RSPO2: variants seen among roughly 807,000 people sequenced by gnomAD.
RSPO2 encodes the protein R-spondin 2.
In RSPO2, 14 loss-of-function variants were observed where a neutral mutation model predicts 30.9. The observed-to-expected ratio is 0.45, with a 90% confidence interval of 0.30 to 0.71. The LOEUF is 0.71. Ranked by LOEUF, RSPO2 falls within the 30% of genes least tolerant of loss-of-function variation. RSPO2 has a pLI of 0.08. For missense variants in RSPO2, 264 were observed against 301.9 expected, an observed-to-expected ratio of 0.87 and a Z score of 0.93; for synonymous variants, 107 against 96.4, an observed-to-expected ratio of 1.11 and a Z score of -0.64.
At chr8:107,923,938 C>T (rs1273291905) in intron 5 of RSPO2, among the ~76,000 whole-genome samples, 4 of 151,896 alleles carry the variant, frequency 2.6e-5, no homozygotes, top group East Asian at 3.9e-4. Context: ...TGGGGCCTAT[C>T]GGGGGTTGAG....
At chr8:108,059,680 A>AT (rs1812384285) in intron 2 of RSPO2, among the ~76,000 whole-genome samples, 2 of 145,572 alleles carry the variant, frequency 1.4e-5, no homozygotes, top group East Asian at 2.0e-4. Flanking sequence ...CCATAAAAAA[A>AT]GATGAGTTCA....
intron 5 of RSPO2, among the ~76,000 whole-genome samples, chr8:107,908,548 AAG>A (rs564594637): frequency 2.0e-5 from 3 of 152,336 alleles, no homozygotes; most frequent in African/African-American, 4.8e-5. Flanking sequence ...CTTTTACAGT[AAG>A]AGTACTGGTT....
At chr8:108,056,623 C>CAAAAAAAAAAAA (rs56256415) in intron 2 of RSPO2, among the ~76,000 whole-genome samples, 17 of 71,806 alleles carry the variant, frequency 2.4e-4, no homozygotes, top group Non-Finnish European at 3.3e-4. Flanking sequence ...AGACCCGTCT[C>CAAAAAAAAAAAA]AAAAAAAAAA....
intron 5 of RSPO2, among the ~76,000 whole-genome samples, chr8:107,932,304 A>G (rs1812576673): frequency 6.6e-6 from 1 of 152,150 alleles, no homozygotes; most frequent in East Asian, 1.9e-4. Flanking sequence ...TATATGGGAA[A>G]TAAGGATAAT....
chr8:108,065,618 G>A (rs1563588054), intron 2 of RSPO2, among the ~76,000 whole-genome samples: 1 of 148,888 alleles, frequency 6.7e-6, no homozygotes, highest in Non-Finnish European at 1.5e-5. Flanking sequence ...AAAGGTTTCT[G>A]TAATTAGAAA....
chr8:107,971,748 C>G (rs146343608), intron 3 of RSPO2, among the ~76,000 whole-genome samples: 1,586 of 152,274 alleles, frequency 0.01, 15 homozygotes, highest in Non-Finnish European at 0.017. Flanking sequence ...CGTCATTTCC[C>G]TACTTTAAAA....
At chr8:107,911,252 T>C (rs1322407788) in intron 5 of RSPO2, among the ~76,000 whole-genome samples, 1 of 152,160 alleles carries the variant, frequency 6.6e-6, no homozygotes, top group East Asian at 1.9e-4. Flanking sequence ...GCATATTCTC[T>C]AGAGAGGAAT....
At chr8:108,003,979 A>G (rs998204541) in intron 2 of RSPO2, among the ~76,000 whole-genome samples, 5 of 152,158 alleles carry the variant, frequency 3.3e-5, no homozygotes, top group African/African-American at 7.2e-5. Context: ...ATTAGGCCAT[A>G]CCCTCATAAT....
chr8:107,948,961 C>T (rs563637922), intron 5 of RSPO2, among the ~76,000 whole-genome samples: 10 of 143,932 alleles, frequency 6.9e-5, no homozygotes, highest in African/African-American at 2.5e-4. Context: ...AATAGGTCTG[C>T]ACCTTTTTTT....
intron 2 of RSPO2, among the ~76,000 whole-genome samples, chr8:108,023,093 G>A (rs925987934): frequency 7.2e-5 from 11 of 152,110 alleles, no homozygotes; most frequent in East Asian, 1.9e-4. Flanking sequence ...GAGAGGAAGC[G>A]ATAGAGGGAG....
chr8:108,018,263 TA>T (rs1371029282), intron 2 of RSPO2, among the ~76,000 whole-genome samples: 2 of 152,184 alleles, frequency 1.3e-5, no homozygotes, highest in Non-Finnish European at 2.9e-5. Flanking sequence ...AAATTAATCC[TA>T]GTTATCATGA....
intron 2 of RSPO2, among the ~76,000 whole-genome samples, chr8:108,010,398 C>T (rs183471815): frequency 7.0e-4 from 107 of 152,322 alleles, no homozygotes; most frequent in African/African-American, 2.4e-3. Flanking sequence ...TCCAGGGGTG[C>T]TCCTTCATCC....
chr8:107,909,432 T>C (rs1262991231), intron 5 of RSPO2, among the ~76,000 whole-genome samples: 2 of 152,032 alleles, frequency 1.3e-5, no homozygotes, highest in African/African-American at 2.4e-5. Flanking sequence ...CTGGATACTT[T>C]TTGTATTTTT....
intron 2 of RSPO2, among the ~76,000 whole-genome samples, chr8:108,002,501 CT>C (rs1563558492): frequency 1.3e-5 from 2 of 152,110 alleles, no homozygotes; most frequent in Admixed American, 1.3e-4. Flanking sequence ...AATTAAATTG[CT>C]TTTTTAAAAA....
At chr8:107,984,226 C>G (rs1225157326) in intron 3 of RSPO2, among the ~76,000 whole-genome samples, 1 of 152,204 alleles carries the variant, frequency 6.6e-6, no homozygotes, top group Non-Finnish European at 1.5e-5. Context: ...CTGATCCAAA[C>G]CAAATGGCTA....
chr8:107,957,917 T>G (rs929529163), intron 5 of RSPO2, among the ~76,000 whole-genome samples, 163 bp downstream of exon 5: 2 of 152,238 alleles, frequency 1.3e-5, no homozygotes, highest in Admixed American at 1.3e-4. Context: ...TTTTCACAAC[T>G]GAAGCATTTG....
At chr8:107,904,302 CTTTACTT>C (rs1202171997) in intron 5 of RSPO2, among the ~76,000 whole-genome samples, 1 of 150,608 alleles carries the variant, frequency 6.6e-6, no homozygotes, top group Non-Finnish European at 1.5e-5. Flanking sequence ...ATGAATTTAA[CTTTACTT>C]TTTAGTTCAC....
Position 108,083,251 on chromosome 8 carries a change from C to A in RSPO2, c.-224G>T, listed in dbSNP as rs1586688845. On this transcript the variant is annotated 5_prime_UTR_variant, in exon 1 of 6. Coordinates refer to ENST00000276659, the MANE Select transcript of RSPO2 (RefSeq NM_178565.5). ...CCTAGGCGCGGTGCTCCATCCCGGG[C>A]TCGGGAAGCGAGCCGCTTGGTTAGC... 6.6e-6 allele frequency: 1 copy of A among 152,368 alleles called. No individual in the cohort carries two copies. The highest frequency in any genetic ancestry group is 1.9e-4 in the East Asian group (1 of 5,152). 9.4% of individuals were successfully genotyped at this position (152,368 alleles called of 1,614,324 possible).
chr8:108,071,837 C>T (rs1285542234), intron 2 of RSPO2, among the ~76,000 whole-genome samples: 2 of 152,024 alleles, frequency 1.3e-5, no homozygotes, highest in Non-Finnish European at 2.9e-5. Flanking sequence ...CTAGAACTAC[C>T]CAGAAGACAT....
Sources: allele counts gnomAD v4.1 joint callset (sites outside exome capture counted in the v4.1 genomes callset), GRCh38; gene constraint gnomAD v4.1.1; transcripts MANE v1.5; gene names NCBI Gene and HGNC (gene_info 2026-07-23, HGNC 2026-07-21).